DGKB: variants seen among roughly 807,000 people sequenced by gnomAD.
DGKB encodes diacylglycerol kinase beta.
In DGKB, 67 loss-of-function variants were observed where a neutral mutation model predicts 114.3. That is an observed-to-expected ratio of 0.59 (90% CI 0.48 to 0.72). The LOEUF is 0.72. Among genes scored for constraint, DGKB ranks in the 30% least tolerant of loss-of-function variants. DGKB has a pLI of 0.00. For missense variants in DGKB, 907 were observed against 975.2 expected (o/e 0.93, Z 0.93); for synonymous variants, 398 against 323.1 (o/e 1.23, Z -2.49).
intron 23 of DGKB, among the ~76,000 whole-genome samples, chr7:14,186,648 G>T (rs1045598670): frequency 2.6e-5 from 4 of 152,170 alleles, no homozygotes; most frequent in African/African-American, 9.7e-5. Context: ...AGTGGATAAA[G>T]AAACTGTGGT....
chr7:14,721,055 T>C (rs1472989945), intron 5 of DGKB, among the ~76,000 whole-genome samples: 1 of 152,332 alleles, frequency 6.6e-6, no homozygotes, highest in Non-Finnish European at 1.5e-5. Context: ...GAGCTAATCC[T>C]CTTTTCCAAT....
chr7:14,913,981 A>G (rs374809951), intron 1 of DGKB, among the ~76,000 whole-genome samples: 1 of 152,168 alleles, frequency 6.6e-6, no homozygotes. Context: ...AACTGGTATT[A>G]ATAGTTAAAT....
intron 5 of DGKB, among the ~76,000 whole-genome samples, chr7:14,731,167 G>A (rs974121142): frequency 2.6e-5 from 4 of 152,200 alleles, no homozygotes; most frequent in East Asian, 1.9e-4. Flanking sequence ...ATTCTTGGAT[G>A]CTATTCACCA....
At chr7:14,479,610 T>C (rs1342211532) in intron 20 of DGKB, among the ~76,000 whole-genome samples, 4 of 152,146 alleles carry the variant, frequency 2.6e-5, no homozygotes, top group Admixed American at 2.6e-4. Context: ...AATATCAAGA[T>C]GGTTCACTTT....
chr7:14,858,877 C>T (rs16878291), intron 1 of DGKB, among the ~76,000 whole-genome samples: 3,396 of 152,118 alleles, frequency 0.022, 123 homozygotes, highest in African/African-American at 0.077. Context: ...TCATAGGTTC[C>T]GGGAAAAGTA....
intron 23 of DGKB, among the ~76,000 whole-genome samples, chr7:14,290,718 T>C (rs1464212812): frequency 6.6e-6 from 1 of 152,160 alleles, no homozygotes; most frequent in Non-Finnish European, 1.5e-5. Flanking sequence ...CAACAGGTCA[T>C]ACAAGCAAAG....
At chr7:14,344,037 AATT>A (rs1812064498) in intron 22 of DGKB, among the ~76,000 whole-genome samples, 3 of 148,574 alleles carry the variant, frequency 2.0e-5, no homozygotes, top group South Asian at 2.1e-4. Context: ...GTACATATAC[AATT>A]ATTATATAGA....
At chr7:14,746,949 TA>T (rs3071278) in intron 4 of DGKB, among the ~76,000 whole-genome samples, 22,832 of 150,218 alleles carry the variant, frequency 0.15, 2,076 homozygotes, top group East Asian at 0.3. Context: ...GCAATAATTC[TA>T]AAAAAAAAAT....
chr7:14,682,450 C>G (rs117382294), intron 12 of DGKB, 103 bp downstream of exon 12: 42,750 of 756,074 alleles, frequency 0.057, 1,482 homozygotes, highest in Non-Finnish European at 0.075. Context: ...TATGCTTACA[C>G]TCAGTTTCAG....
At chr7:14,408,263 T>C (rs1824278516) in intron 21 of DGKB, among the ~76,000 whole-genome samples, 1 of 152,048 alleles carries the variant, frequency 6.6e-6, no homozygotes, top group Admixed American at 6.6e-5. Flanking sequence ...ACCCTAGGTG[T>C]TGGAGGCAGG....
intron 19 of DGKB, among the ~76,000 whole-genome samples, chr7:14,579,215 T>C (rs1222823882): frequency 6.6e-6 from 1 of 152,192 alleles, no homozygotes; most frequent in Admixed American, 6.5e-5. Context: ...TAGAAGCCAT[T>C]TGTTTATTTC....
In DGKB at chr7:14,453,737, A is replaced by G. The variant is rs149328786; in HGVS notation, c.1835+24424T>C. Among the ~76,000 whole-genome samples the G allele has an allele frequency of 8.6e-3, 1,312 of 152,288 alleles. 18 individuals are homozygous for G. The highest frequency in any genetic ancestry group is 0.028 in the African/African-American group (1,167 of 41,570). ...GTAAATAATTTAGGCTATATGGATCATATGGTCTCTGTCACAACTCAGCTC... is the reference window on the plus strand; with the variant it reads ...GTAAATAATTTAGGCTATATGGATCGTATGGTCTCTGTCACAACTCAGCTC... On this transcript the variant is annotated intron_variant, in intron 21 of 25. Coordinates refer to ENST00000402815, the MANE Select transcript of DGKB (RefSeq NM_001350709.2).
chr7:14,222,454 C>A (rs1018403880), intron 23 of DGKB, among the ~76,000 whole-genome samples: 1 of 150,934 alleles, frequency 6.6e-6, no homozygotes, highest in African/African-American at 2.4e-5. Flanking sequence ...TCCCATATTT[C>A]TTTTGTTATT....
chr7:14,677,649 T>A (rs183704218), intron 12 of DGKB, among the ~76,000 whole-genome samples: 102 of 152,128 alleles, frequency 6.7e-4, no homozygotes, highest in African/African-American at 2.2e-3. Context: ...TGACAAGCAA[T>A]GATTCACAAC....
chr7:14,362,977 G>A (rs1020891617), intron 21 of DGKB, among the ~76,000 whole-genome samples: 5 of 152,016 alleles, frequency 3.3e-5, no homozygotes, highest in African/African-American at 9.7e-5. Context: ...TGATGCATAA[G>A]CTCTGGATCC....
chr7:14,779,204 A>T (rs2128485223), intron 2 of DGKB, among the ~76,000 whole-genome samples: 1 of 152,280 alleles, frequency 6.6e-6, no homozygotes, highest in East Asian at 1.9e-4. Flanking sequence ...TATTTAAGAC[A>T]CATAGTTGCC....
At chr7:14,691,729 G>T (rs1822901030) in intron 9 of DGKB, among the ~76,000 whole-genome samples, 1 of 151,736 alleles carries the variant, frequency 6.6e-6, no homozygotes, top group Admixed American at 6.6e-5. Flanking sequence ...TTCTTTTAAA[G>T]TTGTTCTTTA....
chr7:14,849,990 C>T (rs1849135257), intron 1 of DGKB, among the ~76,000 whole-genome samples: 1 of 152,106 alleles, frequency 6.6e-6, no homozygotes, highest in South Asian at 2.1e-4. Flanking sequence ...AAAAAGCCTC[C>T]CCCACTTTAT....
At chr7:14,241,720 T>C (rs1238247890) in intron 23 of DGKB, among the ~76,000 whole-genome samples, 2 of 152,060 alleles carry the variant, frequency 1.3e-5, no homozygotes, top group Admixed American at 6.6e-5. Context: ...AGAACATTTA[T>C]GTAGACACAA....
Sources: gnomAD v4.1 joint callset for allele counts (sites outside exome capture counted in the v4.1 genomes callset) on GRCh38, gnomAD v4.1.1 for gene constraint, MANE v1.5 for transcripts, NCBI Gene and HGNC (gene_info 2026-07-23, HGNC 2026-07-21) for gene names.